CSGALNACT1: variants seen among roughly 807,000 people sequenced by gnomAD.
CSGALNACT1 encodes the protein chondroitin sulfate N-acetylgalactosaminyltransferase 1.
In CSGALNACT1, 52 loss-of-function variants were observed where a neutral mutation model predicts 51.0. That is an observed-to-expected ratio of 1.02 (90% CI 0.82 to 1.29). CSGALNACT1 has a LOEUF of 1.29. Ranked by LOEUF, CSGALNACT1 falls within the 50% of genes most tolerant of loss-of-function variation. CSGALNACT1 has a pLI of 0.00. For missense variants in CSGALNACT1, 935 were observed against 679.2 expected (o/e 1.38, Z -4.19); for synonymous variants, 341 against 254.4 (o/e 1.34, Z -3.24).
intron 1 of CSGALNACT1, among the ~76,000 whole-genome samples, chr8:19,730,558 GGTGA>G (rs898958247): frequency 3.3e-5 from 5 of 152,136 alleles, no homozygotes; most frequent in African/African-American, 1.2e-4. Flanking sequence ...AAGTATGTAA[GGTGA>G]ACCCACCGGA....
At chr8:19,714,100 C>T (rs1385283602) in intron 1 of CSGALNACT1, among the ~76,000 whole-genome samples, 2 of 152,188 alleles carry the variant, frequency 1.3e-5, no homozygotes, top group Non-Finnish European at 2.9e-5. Flanking sequence ...GGAGCTGTTT[C>T]TCCTTTCAAA....
chr8:19,410,927 A>T (rs1459024759), intron 8 of CSGALNACT1, among the ~76,000 whole-genome samples: 2 of 152,226 alleles, frequency 1.3e-5, no homozygotes, highest in Non-Finnish European at 2.9e-5. Context: ...GACGCGCTCA[A>T]TAGCAGTCTG....
At chr8:19,530,909 C>T (rs1217773217) in intron 3 of CSGALNACT1, among the ~76,000 whole-genome samples, 1 of 152,170 alleles carries the variant, frequency 6.6e-6, no homozygotes, top group African/African-American at 2.4e-5. Context: ...TGTGGAGTTA[C>T]TGCCTCTAGC....
At chr8:19,529,306 C>T (rs1388488785) in intron 3 of CSGALNACT1, among the ~76,000 whole-genome samples, 1 of 152,042 alleles carries the variant, frequency 6.6e-6, no homozygotes, top group Non-Finnish European at 1.5e-5. Flanking sequence ...AGTGAGTGAG[C>T]AGTAGTTGGA....
chr8:19,629,139 T>C (rs772643278), intron 1 of CSGALNACT1, among the ~76,000 whole-genome samples: 2 of 152,136 alleles, frequency 1.3e-5, no homozygotes, highest in Non-Finnish European at 2.9e-5. Context: ...CCACCTTCTG[T>C]AAAGACTTTT....
At chr8:19,468,932 C>T (rs4921647) in intron 4 of CSGALNACT1, among the ~76,000 whole-genome samples, 111,223 of 151,922 alleles carry the variant, frequency 0.73, 41,829 homozygotes, top group East Asian at 0.87. Flanking sequence ...TATGCCAAAC[C>T]TTCAGGTGCA....
At chr8:19,606,593 T>A (rs1050213337), upstream of CSGALNACT1, among the ~76,000 whole-genome samples, 2 of 152,320 alleles carry the variant, frequency 1.3e-5, no homozygotes, top group Middle Eastern at 3.4e-3. Context: ...TTTTGTCAAA[T>A]GAAAAAGAGG....
At chr8:19,472,020 A>C (rs2068304602) in intron 4 of CSGALNACT1, among the ~76,000 whole-genome samples, 1 of 152,200 alleles carries the variant, frequency 6.6e-6, no homozygotes, top group African/African-American at 2.4e-5. Context: ...GAAATGGCAG[A>C]TCCATCTATT....
At chr8:19,448,434 C>G (rs192350027) in intron 5 of CSGALNACT1, among the ~76,000 whole-genome samples, 162 of 152,232 alleles carry the variant, frequency 1.1e-3, no homozygotes, top group African/African-American at 3.8e-3. Context: ...TTCTCAGTCC[C>G]AAGCAAATTG....
chr8:19,482,402 G>T (rs957436213), intron 4 of CSGALNACT1, among the ~76,000 whole-genome samples: 3 of 152,082 alleles, frequency 2.0e-5, no homozygotes, highest in African/African-American at 7.2e-5. Flanking sequence ...TTGTCCCACG[G>T]CAACCTTATT....
chr8:19,661,016 G>T (rs112505740), intron 1 of CSGALNACT1, among the ~76,000 whole-genome samples: 1 of 151,952 alleles, frequency 6.6e-6, no homozygotes, highest in South Asian at 2.1e-4. Context: ...GGGTTCAAGC[G>T]AATCTCCTGC....
At chr8:19,563,917 C>T (rs1018592298) in intron 3 of CSGALNACT1, among the ~76,000 whole-genome samples, 1 of 152,128 alleles carries the variant, frequency 6.6e-6, no homozygotes, top group African/African-American at 2.4e-5. Flanking sequence ...TGGCCTCCTC[C>T]CTCAGCCACG....
At chr8:19,557,229 C>G (rs2039667260) in intron 3 of CSGALNACT1, among the ~76,000 whole-genome samples, 1 of 152,146 alleles carries the variant, frequency 6.6e-6, no homozygotes, top group South Asian at 2.1e-4. Flanking sequence ...CCTGGTCTAC[C>G]CGGAATCCCT....
intron 1 of CSGALNACT1, among the ~76,000 whole-genome samples, chr8:19,756,574 G>T (rs1346150083): frequency 1.3e-5 from 2 of 149,182 alleles, no homozygotes; most frequent in Non-Finnish European, 3.0e-5. Flanking sequence ...CGCCCTTCTA[G>T]CCCCCATCCC....
At chr8:19,541,696 T>A (rs947153932) in intron 3 of CSGALNACT1, among the ~76,000 whole-genome samples, 7 of 151,638 alleles carry the variant, frequency 4.6e-5, no homozygotes, top group Non-Finnish European at 7.4e-5. Flanking sequence ...CCACTGCACC[T>A]GGCCTGGCTG....
intron 4 of CSGALNACT1, among the ~76,000 whole-genome samples, chr8:19,502,626 T>C (rs547702948): frequency 1.3e-5 from 2 of 152,298 alleles, no homozygotes; most frequent in African/African-American, 4.8e-5. Flanking sequence ...TTTTGAGAAA[T>C]TGCCTCAACC....
intron 4 of CSGALNACT1, among the ~76,000 whole-genome samples, chr8:19,471,781 G>C (rs763546470): frequency 6.6e-6 from 1 of 152,152 alleles, no homozygotes; most frequent in Non-Finnish European, 1.5e-5. Context: ...AAAACTCAAC[G>C]GAAGAGATGG....
chr8:19,450,897 T>C (rs1446643357), intron 5 of CSGALNACT1, among the ~76,000 whole-genome samples: 4 of 151,872 alleles, frequency 2.6e-5, no homozygotes, highest in African/African-American at 4.8e-5. Context: ...GCTACTGAGC[T>C]TTTTTAGAGA....
chr8:19,663,295 C>T (rs968863989), intron 1 of CSGALNACT1, among the ~76,000 whole-genome samples: 1 of 152,026 alleles, frequency 6.6e-6, no homozygotes, highest in African/African-American at 2.4e-5. Context: ...TTTTTTCTCC[C>T]CTTCCTACGA....
Sources: gnomAD v4.1 joint callset for allele counts (sites outside exome capture counted in the v4.1 genomes callset) on GRCh38, gnomAD v4.1.1 for gene constraint, MANE v1.5 for transcripts, NCBI Gene and HGNC (gene_info 2026-07-23, HGNC 2026-07-21) for gene names.